The following MTMR8 variants were observed in gnomAD, a reference collection of about 807,000 sequenced individuals.
The protein encoded by MTMR8 is myotubularin related protein 8.
MTMR8 carries 65 observed loss-of-function variants against 39.3 expected under a neutral mutation model. The observed-to-expected ratio is 1.65, with a 90% CI of 1.35 to 2.03. MTMR8 has a LOEUF of 2.03. Among genes scored for constraint, MTMR8 ranks in the 30% most tolerant of loss-of-function variants. The probability of loss-of-function intolerance (pLI) is 0.00; values close to 1 mark genes in which losing one functional copy is unlikely to be tolerated. For missense variants in MTMR8, 777 were observed against 538.9 expected (o/e 1.44, Z -4.37); for synonymous variants, 245 against 185.2 (o/e 1.32, Z -2.62).
Position 64,350,024 on chromosome X carries a change from G to A in MTMR8, c.515C>T (p.Thr172Ile). The A allele has an allele frequency of 8.4e-7, 1 of 1,191,101 alleles. No individual in the cohort carries two copies. The highest frequency in any genetic ancestry group is 1.1e-6 in the Non-Finnish European group (1 of 883,507). Residue 172 changes from threonine to isoleucine, a missense_variant, in exon 5 of 14, where the codon ACC becomes ATC. Thr to Ile is a moderately conservative substitution (Grantham distance 89). Transcript: ENST00000374852. The part of the protein sequence containing the change: ...PPEIVVPKSV[T>I]LGTVVGSSKF... The stretch of plus-strand genomic sequence containing the variant: ...TGAACTTCCAACCACCGTTCCCAAG[G>A]TAACAGATTTAGGAACCACTATTTC...
intron 12 of MTMR8, among the ~76,000 whole-genome samples, chrX:64,312,538 G>T (rs1455738931): frequency 1.8e-5 from 2 of 112,233 alleles, no homozygotes; most frequent in East Asian, 5.6e-4. Context: ...AAGTCAAATT[G>T]TCCCTGTTTG....
At chrX:64,366,977 C>A (rs1176012432) in intron 1 of MTMR8, among the ~76,000 whole-genome samples, 1 of 111,855 alleles carries the variant, frequency 8.9e-6, no homozygotes, top group East Asian at 2.8e-4. Context: ...ATACTATAAA[C>A]ACCTCTACAC....
intron 12 of MTMR8, among the ~76,000 whole-genome samples, chrX:64,325,047 A>G (rs1414889589): frequency 9.0e-6 from 1 of 111,326 alleles, no homozygotes; most frequent in Admixed American, 9.6e-5. Flanking sequence ...CAGAAAACCC[A>G]GATAACCTAT....
chrX:64,341,573 A>G (rs1185721286), intron 8 of MTMR8, among the ~76,000 whole-genome samples: 1 of 110,792 alleles, frequency 9.0e-6, no homozygotes, highest in Non-Finnish European at 1.9e-5. Context: ...GAAAAATTCT[A>G]CAGCAGCACT....
chrX:64,372,502 C>T (rs999497135), intron 1 of MTMR8, among the ~76,000 whole-genome samples: 1 of 111,513 alleles, frequency 9.0e-6, no homozygotes, highest in Non-Finnish European at 1.9e-5. Context: ...TCCATCGAGC[C>T]CTTGGCAAAC....
intron 12 of MTMR8, chrX:64,305,777 T>C (rs1602121060): frequency 5.0e-6 from 2 of 399,186 alleles, no homozygotes; most frequent in East Asian, 4.9e-5. Flanking sequence ...GCATTTCCTG[T>C]ATGGTTTCCA....
At chrX:64,276,773 A>G (rs1931879962) in intron 12 of MTMR8, among the ~76,000 whole-genome samples, 1 of 111,508 alleles carries the variant, frequency 9.0e-6, no homozygotes, top group South Asian at 3.8e-4. Context: ...TGGGTTGGAG[A>G]GTTCTGTAGA....
chrX:64,394,116 C>A (rs1415313289), intron 1 of MTMR8, among the ~76,000 whole-genome samples: 1 of 111,734 alleles, frequency 8.9e-6, no homozygotes, highest in Non-Finnish European at 1.9e-5. Flanking sequence ...TGCATGGCAG[C>A]AGGCAAAGAG....
At chrX:64,368,318 AG>A (rs756298702) in intron 1 of MTMR8, among the ~76,000 whole-genome samples, 3 of 111,949 alleles carry the variant, frequency 2.7e-5, no homozygotes, top group East Asian at 5.6e-4. Context: ...GTAAGCAGAA[AG>A]AACAAAGCTG....
At chrX:64,320,959 A>T (rs953068537) in intron 12 of MTMR8, among the ~76,000 whole-genome samples, 3 of 112,088 alleles carry the variant, frequency 2.7e-5, no homozygotes, top group African/African-American at 9.7e-5. Flanking sequence ...TCTGAGAACT[A>T]AGCTAACTGA....
intron 1 of MTMR8, among the ~76,000 whole-genome samples, chrX:64,390,780 C>T (rs915879638): frequency 2.7e-5 from 3 of 110,363 alleles, no homozygotes; most frequent in Non-Finnish European, 3.8e-5. Context: ...CCCAGCCTCT[C>T]GAGTAGCTGA....
At chrX:64,301,285 C>G (rs968786439) in intron 12 of MTMR8, among the ~76,000 whole-genome samples, 1 of 105,490 alleles carries the variant, frequency 9.5e-6, no homozygotes, top group Non-Finnish European at 2.0e-5. Context: ...TCTTTTTATT[C>G]TTTTTTCTCT....
chrX:64,354,183 G>C (rs917571035), intron 4 of MTMR8, among the ~76,000 whole-genome samples: 2 of 107,821 alleles, frequency 1.9e-5, no homozygotes, highest in Non-Finnish European at 3.8e-5. Flanking sequence ...GTAGTGGAGT[G>C]GGGGGGATAA....
chrX:64,362,431 TCAA>T (rs1306914541), intron 1 of MTMR8, among the ~76,000 whole-genome samples: 20 of 22,506 alleles, frequency 8.9e-4, no homozygotes, highest in Admixed American at 1.3e-3. Context: ...GGGAAAAAAA[TCAA>T]CAACAACAAC....
intron 1 of MTMR8, among the ~76,000 whole-genome samples, chrX:64,362,969 A>C (rs913237356): frequency 6.3e-5 from 7 of 111,309 alleles, no homozygotes; most frequent in African/African-American, 2.0e-4. Context: ...GAAGCATATA[A>C]CCATGAAGAG....
At chrX:64,372,981 C>T (rs1003844836) in intron 1 of MTMR8, among the ~76,000 whole-genome samples, 1 of 111,510 alleles carries the variant, frequency 9.0e-6, no homozygotes, top group Non-Finnish European at 1.9e-5. Context: ...CCCAATAACA[C>T]CAATCTAGGA....
chrX:64,318,708 GTTTTTTT>G (rs1209006743), intron 12 of MTMR8, among the ~76,000 whole-genome samples: 5 of 82,404 alleles, frequency 6.1e-5, no homozygotes, highest in African/African-American at 9.0e-5. Context: ...TTGGTTTTTT[GTTTTTTT>G]TTTTTTTTTT....
chrX:64,364,902 T>C (rs1923902763), intron 1 of MTMR8, among the ~76,000 whole-genome samples: 1 of 111,192 alleles, frequency 9.0e-6, no homozygotes. Context: ...ATAAACAGTG[T>C]AGAGAAGACC....
intron 12 of MTMR8, among the ~76,000 whole-genome samples, chrX:64,281,217 T>G (rs922113801): frequency 4.5e-5 from 5 of 111,028 alleles, no homozygotes; most frequent in African/African-American, 1.6e-4. Context: ...TAATATGAAA[T>G]CAAAAAACAG....
Sources: gnomAD v4.1 joint callset for allele counts (sites outside exome capture counted in the v4.1 genomes callset) on GRCh38, gnomAD v4.1.1 for gene constraint, MANE v1.5 for transcripts, NCBI Gene and HGNC (gene_info 2026-07-23, HGNC 2026-07-21) for gene names.